The following HCK variants were observed in gnomAD, a reference collection of about 807,000 sequenced individuals.
The protein encoded by HCK is tyrosine-protein kinase HCK.
A neutral mutation model predicts 70.4 loss-of-function variants in HCK; 40 were observed. The observed-to-expected ratio is 0.57, with a 90% CI of 0.44 to 0.74. The LOEUF (loss-of-function observed/expected upper bound fraction) is 0.74. HCK is among the 30% of genes least tolerant of loss of function. The pLI, the probability that HCK is intolerant of heterozygous loss-of-function variation, is 0.00. For missense variants in HCK, 568 were observed against 697.2 expected (o/e 0.81, Z 2.09); for synonymous variants, 245 against 263.2 (o/e 0.93, Z 0.67).
At chr20:32,071,240 A>G (rs796748700) in intron 1 of HCK, among the ~76,000 whole-genome samples, 1 of 152,134 alleles carries the variant, frequency 6.6e-6, no homozygotes, top group South Asian at 2.1e-4. Flanking sequence ...AGAGGTGGGT[A>G]GGGGCAGGAA....
At chr20:32,055,037 G>A (rs1039182078) in intron 1 of HCK, among the ~76,000 whole-genome samples, 2 of 152,166 alleles carry the variant, frequency 1.3e-5, no homozygotes, top group Admixed American at 6.5e-5. Context: ...TACTCAAGTT[G>A]TTCCTAGGCG....
intron 1 of HCK, among the ~76,000 whole-genome samples, chr20:32,059,301 C>CTCCT (rs2045327924): frequency 2.1e-5 from 1 of 47,012 alleles, no homozygotes; most frequent in Non-Finnish European, 3.9e-5. Context: ...CCTTCCCTCC[C>CTCCT]TCCCTCCTTT....
intron 1 of HCK, chr20:32,054,400 G>A (rs1432288439): frequency 1.0e-4 from 41 of 409,974 alleles, no homozygotes; most frequent in South Asian, 5.3e-4. Flanking sequence ...GCTTGAACCC[G>A]GGGAAGCAGA....
At chr20:32,098,961 T>A in intron 11 of HCK, 43 bp from the exon 12 acceptor site, 1 of 1,602,024 alleles carries the variant, frequency 6.2e-7, no homozygotes. Context: ...CAACCCTCAC[T>A]ACTCCCCAGC....
chr20:32,101,412 C>G lies in HCK; in HGVS notation c.1474C>G (p.Arg492Gly). Residue 492 changes from arginine to glycine, a missense_variant, in exon 13 of 13, where the codon CGC becomes GGC. Arg to Gly is a moderately radical substitution (Grantham distance 125). Coordinates refer to ENST00000375852, the MANE Select transcript of HCK (RefSeq NM_002110.5). Reference sequence around the variant, plus strand: ...AGAGGAGCTCTACAACATCATGATGCGCTGCTGGAAAAACCGTCCGGAGGA... The same window carrying G: ...AGAGGAGCTCTACAACATCATGATGGGCTGCTGGAAAAACCGTCCGGAGGA... The G allele has an allele frequency of 6.2e-7, 1 of 1,614,198 alleles. No individual in the cohort carries two copies. Among genetic ancestry groups the G allele is most frequent in the South Asian group, 1.1e-5 (1 of 91,078 alleles).
chr20:32,086,705 G>A lies in HCK; in HGVS notation c.913G>A (p.Glu305Lys), dbSNP rs2045792580. The A allele has an allele frequency of 6.2e-7, 1 of 1,613,650 alleles. No individual in the cohort carries two copies. The highest frequency in any genetic ancestry group is 1.3e-5 in the African/African-American group (1 of 74,918). ...CATGTCGGTGGAGGCCTTCCTGGCA[G>A]AGGCCAACGTGATGAAAACTCTGCA... The change falls in exon 9 of 13, where the codon GAG becomes AAG. Residue 305 changes from glutamate to lysine, a missense_variant. Physicochemically the swap from Glu to Lys is moderately conservative, Grantham distance 56. Around this residue, in one of 4 missense-constraint regions of HCK, gnomAD observed 160 missense variants for 237.5 expected, o/e 0.67. Transcript: ENST00000375852.
intron 6 of HCK, among the ~76,000 whole-genome samples, chr20:32,080,985 A>C (rs949621743): frequency 2.0e-5 from 3 of 152,104 alleles, no homozygotes; most frequent in Non-Finnish European, 4.4e-5. Flanking sequence ...GATACTCAGA[A>C]GGGTGAGGCC....
intron 1 of HCK, among the ~76,000 whole-genome samples, chr20:32,063,965 A>C (rs894902015): frequency 2.1e-5 from 3 of 145,620 alleles, no homozygotes; most frequent in Admixed American, 6.9e-5. Context: ...CGTTGGCCAG[A>C]ATTGAATCAC....
chr20:32,060,528 C>A (rs2045354048), intron 1 of HCK, among the ~76,000 whole-genome samples: 1 of 152,200 alleles, frequency 6.6e-6, no homozygotes, highest in African/African-American at 2.4e-5. Flanking sequence ...CAGGCATGAG[C>A]CATTGCACCT....
intron 1 of HCK, among the ~76,000 whole-genome samples, chr20:32,067,584 T>A (rs1842289028): frequency 7.1e-6 from 1 of 140,996 alleles, no homozygotes; most frequent in Non-Finnish European, 1.5e-5. Context: ...ACACTTTTAC[T>A]TCCTACTACA....
chr20:32,099,230 C>A, intron 12 of HCK, 95 bp downstream of exon 12: 3 of 1,323,966 alleles, frequency 2.3e-6, no homozygotes, highest in Non-Finnish European at 3.2e-6. Flanking sequence ...AGTTCTTGAT[C>A]CTCACCCCCA....
chr20:32,100,778 G>A (rs918762185), intron 12 of HCK, among the ~76,000 whole-genome samples: 1 of 152,160 alleles, frequency 6.6e-6, no homozygotes, highest in Non-Finnish European at 1.5e-5. Context: ...TGTCTTGAGG[G>A]TGCACTAGTC....
Position 32,071,728 on chromosome 20 carries a change from C to T in HCK, c.129C>T (p.Ser43=), listed in dbSNP as rs780211762. ...ATACATTCTCAAAAACTGAAACCAGCGCCAGCCCACACTGTCCTGTGTACG... is the reference window on the plus strand; with the variant it reads ...ATACATTCTCAAAAACTGAAACCAGTGCCAGCCCACACTGTCCTGTGTACG... The change falls in exon 2 of 13, where the codon AGC becomes AGT. Residue 43 remains serine, a synonymous_variant. Coordinates refer to ENST00000375852, the MANE Select transcript of HCK (RefSeq NM_002110.5). 14 of 1,614,180 alleles carry T rather than the reference C, an allele frequency of 8.7e-6. No homozygotes were observed. The highest frequency in any genetic ancestry group is 1.7e-5 in the Admixed American group (1 of 60,014).
At chr20:32,075,350 T>C (rs1030205977) in intron 5 of HCK, among the ~76,000 whole-genome samples, 4 of 152,042 alleles carry the variant, frequency 2.6e-5, no homozygotes, top group Admixed American at 6.6e-5. Flanking sequence ...CGCATCACCA[T>C]GCCCAGCTAA....
At chr20:32,055,646 T>C (rs1475830600) in intron 1 of HCK, among the ~76,000 whole-genome samples, 1 of 152,222 alleles carries the variant, frequency 6.6e-6, no homozygotes, top group Non-Finnish European at 1.5e-5. Flanking sequence ...TCAAAATTTT[T>C]AGAAATATTT....
At chr20:32,056,447 C>G (rs913979608) in intron 1 of HCK, among the ~76,000 whole-genome samples, 1 of 151,218 alleles carries the variant, frequency 6.6e-6, no homozygotes, top group African/African-American at 2.4e-5. Flanking sequence ...ACCCGGGAGG[C>G]GGAGCTTGCA....
intron 3 of HCK, among the ~76,000 whole-genome samples, 173 bp from the exon 4 acceptor site, chr20:32,073,542 CA>C (rs2045574842): frequency 1.3e-5 from 2 of 152,214 alleles, no homozygotes; most frequent in African/African-American, 4.8e-5. Flanking sequence ...GTAACATGAA[CA>C]AAACATATTT....
Position 32,073,281 on chromosome 20 carries a change from G to A in HCK, c.184-38G>A, listed in dbSNP as rs760711224. Reference sequence around the variant, plus strand: ...GACCTTCCACGGGTCCCCACACATTGGTCAGATTCATTCTCTTCTCTCATT... The same window carrying A: ...GACCTTCCACGGGTCCCCACACATTAGTCAGATTCATTCTCTTCTCTCATT... On this transcript the variant is annotated intron_variant, in intron 2 of 12. Coordinates refer to ENST00000375852, the MANE Select transcript of HCK (RefSeq NM_002110.5). 3.2e-6 allele frequency: 5 copies of A among 1,578,426 alleles called. No homozygotes were observed. In the South Asian group the frequency reaches 5.6e-5, roughly 18 times the overall value.
rs189936344 is a variant in HCK, at chr20:32,063,670, C to T, written c.63-7992C>T. 2.1e-4 allele frequency among the ~76,000 whole-genome samples: 32 copies of T among 152,224 alleles called. No homozygotes were observed. In the East Asian group the frequency reaches 5.2e-3, roughly 25 times the overall value. On this transcript the variant is annotated intron_variant, in intron 1 of 12. Coordinates refer to ENST00000375852, the MANE Select transcript of HCK (RefSeq NM_002110.5). ...CATCTTACCTTCTCTTCTACCAAAA[C>T]CTGGTATCAGGGAGGTCTTTGCCAT...
Sources: allele counts gnomAD v4.1 joint callset (sites outside exome capture counted in the v4.1 genomes callset), GRCh38; gene constraint gnomAD v4.1.1; regional missense constraint gnomAD v4.1.1; transcripts MANE v1.5; gene names NCBI Gene and HGNC (gene_info 2026-07-23, HGNC 2026-07-21).